WDR82: variants seen among roughly 807,000 people sequenced by gnomAD.
The protein encoded by WDR82 is WD repeat-containing protein 82.
In WDR82, 8 loss-of-function variants were observed where a neutral mutation model predicts 36.1. The observed-to-expected ratio is 0.22, with a 90% confidence interval of 0.13 to 0.40. The LOEUF (loss-of-function observed/expected upper bound fraction) is 0.40, where lower values mean the gene tolerates loss of function less well. WDR82 is among the 10% of genes least tolerant of loss of function. The probability of loss-of-function intolerance (pLI) is 1.00; values close to 1 mark genes in which losing one functional copy is unlikely to be tolerated. For missense variants in WDR82, 185 were observed against 400.5 expected (o/e 0.46, Z 4.59); for synonymous variants, 129 against 137.8 (o/e 0.94, Z 0.45).
At chr3:52,263,111 G>A (rs545190921) in intron 3 of WDR82, among the ~76,000 whole-genome samples, 25 of 152,182 alleles carry the variant, frequency 1.6e-4, no homozygotes, top group Non-Finnish European at 3.4e-4. Context: ...CTGGGAAACA[G>A]AGCAAGGCAC....
At chr3:52,267,447 A>G (rs1213189140) in intron 2 of WDR82, 2 of 173,046 alleles carry the variant, frequency 1.2e-5, no homozygotes, top group South Asian at 1.3e-4. Flanking sequence ...GTGAGCAGCC[A>G]TGGCAGTTAA....
chr3:52,269,859 C>G (rs1700138164), intron 2 of WDR82, among the ~76,000 whole-genome samples: 1 of 152,136 alleles, frequency 6.6e-6, no homozygotes, highest in Non-Finnish European at 1.5e-5. Flanking sequence ...TCGAGACATG[C>G]AGGCAAAAAC....
Position 52,260,508 on chromosome 3 carries a change from G to A in WDR82, c.427-7C>T, listed in dbSNP as rs1402324982. On this transcript the variant is annotated splice_region_variant and splice_polypyrimidine_tract_variant and intron_variant, in intron 4 of 8. Transcript: ENST00000296490. ...CCTGCAGATGCATGAGGCCCTAAGA[G>A]AAAAGAAATAAGAAATACACTAAAA... 1.3e-6 allele frequency: 2 copies of A among 1,551,992 alleles called. No homozygotes were observed. Among genetic ancestry groups the A allele is most frequent in the Non-Finnish European group, 1.7e-6 (2 of 1,155,922 alleles).
At chr3:52,265,011 T>C (rs750598672) in intron 3 of WDR82, among the ~76,000 whole-genome samples, 2 of 152,138 alleles carry the variant, frequency 1.3e-5, no homozygotes, top group Non-Finnish European at 2.9e-5. Context: ...CAAAGTCATC[T>C]ATCAAGAATC....
rs1699996742 is a variant in WDR82 at position 52,255,338 on chromosome 3, C to A, written c.*2152G>T. The A allele has an allele frequency of 6.6e-6, 1 of 152,138 alleles. No homozygotes were observed. The highest frequency in any genetic ancestry group is 6.5e-5 in the Admixed American group (1 of 15,270). The allele number at this position is 152,138 out of a possible 1,614,324, so 9.4% of individuals were successfully genotyped here. A position where few individuals can be genotyped will look rare whatever the true frequency, so the allele number is the denominator to read the frequency against. On this transcript the variant is annotated 3_prime_UTR_variant, in exon 9 of 9. Coordinates refer to ENST00000296490, the MANE Select transcript of WDR82 (RefSeq NM_025222.4). The stretch of plus-strand genomic sequence containing the variant: ...CCTGCTGCTAAGTAATGCTTGGTGG[C>A]TGCTCTGGTTGCAGATATGTGAAGT...
At chr3:52,261,575 C>T (rs1700062131) in intron 3 of WDR82, 96 bp from the exon 4 acceptor site, 1 of 905,798 alleles carries the variant, frequency 1.1e-6, no homozygotes, top group East Asian at 3.1e-5. Context: ...CATATATATA[C>T]CTGTTCTCCC....
rs1232530801 is a variant in WDR82, at chr3:52,257,203, C to A, written c.*287G>T. 8.1e-6 allele frequency: 4 copies of A among 495,926 alleles called. No homozygotes were observed. Among genetic ancestry groups the A allele is most frequent in the Non-Finnish European group, 1.4e-5 (4 of 276,620 alleles). The allele number at this position is 495,926 out of a possible 1,614,324, so 30.7% of individuals were successfully genotyped here. ...AAATTGAAGATGCTTGAGAGCCCCACTATACCAAATCGTGAGTCTGGTCAC... is the reference window on the plus strand; with the variant it reads ...AAATTGAAGATGCTTGAGAGCCCCAATATACCAAATCGTGAGTCTGGTCAC... On this transcript the variant is annotated 3_prime_UTR_variant, in exon 9 of 9. Transcript: ENST00000296490.
At chr3:52,270,094 T>A (rs1700140147) in intron 2 of WDR82, among the ~76,000 whole-genome samples, 1 of 152,216 alleles carries the variant, frequency 6.6e-6, no homozygotes, top group Non-Finnish European at 1.5e-5. Context: ...TTGCTGTGTA[T>A]CAAGTGTTCT....
chr3:52,262,229 C>G (rs534776904), intron 3 of WDR82, among the ~76,000 whole-genome samples: 8 of 152,266 alleles, frequency 5.3e-5, no homozygotes, highest in African/African-American at 1.9e-4. Flanking sequence ...AGAAGTAGAT[C>G]AGCAGTTGGT....
chr3:52,271,116 A>G (rs1559455684), intron 1 of WDR82, among the ~76,000 whole-genome samples: 1 of 152,214 alleles, frequency 6.6e-6, no homozygotes, highest in South Asian at 2.1e-4. Flanking sequence ...ATCATGTGCC[A>G]TGTGATGACA....
chr3:52,262,921 A>G (rs1185415349), intron 3 of WDR82, among the ~76,000 whole-genome samples: 1 of 152,190 alleles, frequency 6.6e-6, no homozygotes, highest in Non-Finnish European at 1.5e-5. Flanking sequence ...TGAGGTCAGG[A>G]GTTTGAGACC....
intron 1 of WDR82, 43 bp downstream of exon 1, chr3:52,278,154 CGGAG>C: frequency 6.6e-7 from 1 of 1,517,402 alleles, no homozygotes; most frequent in South Asian, 1.2e-5. Context: ...GCTGGGCCAC[CGGAG>C]GGAGGCACTG....
chr3:52,262,337 C>T (rs1402455366), intron 3 of WDR82, among the ~76,000 whole-genome samples: 1 of 152,064 alleles, frequency 6.6e-6, no homozygotes, highest in Non-Finnish European at 1.5e-5. Context: ...TCCAACTTTG[C>T]AAATATAGTA....
intron 3 of WDR82, among the ~76,000 whole-genome samples, chr3:52,263,397 A>G (rs958681140): frequency 6.6e-6 from 1 of 152,228 alleles, no homozygotes; most frequent in African/African-American, 2.4e-5. Flanking sequence ...GGTGGGAGAA[A>G]ATGCTGAGAA....
chr3:52,266,395 A>G (rs544523579), intron 3 of WDR82, among the ~76,000 whole-genome samples: 1 of 152,106 alleles, frequency 6.6e-6, no homozygotes, highest in Non-Finnish European at 1.5e-5. Flanking sequence ...AGAAATATAT[A>G]TATCTAACTA....
intron 1 of WDR82, among the ~76,000 whole-genome samples, chr3:52,273,169 G>A (rs1364752679): frequency 6.6e-6 from 1 of 152,158 alleles, no homozygotes; most frequent in Admixed American, 6.5e-5. Context: ...AGTGGCTCAC[G>A]CCTGTAATCT....
At position 52,278,612 on chromosome 3, in the gene WDR82, T is replaced by G; in HGVS notation, c.-251A>C. The G allele has an allele frequency of 2.5e-6, 1 of 399,596 alleles. No homozygotes were observed. The allele number at this position is 399,596 out of a possible 1,614,324, so 24.8% of individuals were successfully genotyped here. On this transcript the variant is annotated 5_prime_UTR_variant, in exon 1 of 9. It removes an upstream start codon present in the reference 5' UTR. Transcript: ENST00000296490. ...GGACAACCGGCGCGTCGCCGGCTCA[T>G]TGTGTCCGCCATTTTGGGGCGACAG...
chr3:52,278,232 A>T lies in WDR82; in HGVS notation c.130T>A (p.Ser44Thr). The change falls in exon 1 of 9, where the codon TCC becomes ACC. Residue 44 changes from serine to threonine, a missense_variant. Around this residue, in one of 3 missense-constraint regions of WDR82, gnomAD observed 49 missense variants for 80.6 expected, o/e 0.61. Transcript: ENST00000296490. ...ETVISSSDDD[S>T]IVLYDCQEGK... is the part of the protein sequence containing the mutation. ...TCCTGGCAGTCATAGAGCACGATGG[A>T]GTCGTCGTCGCTACTCGAGATGACC... 2 of 1,607,576 alleles carry T rather than the reference A, an allele frequency of 1.2e-6. No individual in the cohort carries two copies. Among genetic ancestry groups the T allele is most frequent in the Non-Finnish European group, 8.5e-7 (1 of 1,177,076 alleles).
chr3:52,265,566 CTTTTTT>C (rs959125432), intron 3 of WDR82, among the ~76,000 whole-genome samples: 1 of 120,750 alleles, frequency 8.3e-6, no homozygotes, highest in Non-Finnish European at 1.7e-5. Context: ...GGAAGTGCAA[CTTTTTT>C]TTTTTTTTTT....
Sources: allele counts gnomAD v4.1 joint callset (sites outside exome capture counted in the v4.1 genomes callset), GRCh38; gene constraint gnomAD v4.1.1; regional missense constraint gnomAD v4.1.1; transcripts MANE v1.5; gene names NCBI Gene and HGNC (gene_info 2026-07-23, HGNC 2026-07-21).